ADGRL2: variants seen among roughly 807,000 people sequenced by gnomAD.
ADGRL2 encodes the protein calcium-independent alpha-latrotoxin receptor 2.
ADGRL2 carries 44 observed loss-of-function variants against 157.4 expected under a neutral mutation model. That is an observed-to-expected ratio of 0.28 (90% CI 0.22 to 0.36). ADGRL2 has a LOEUF of 0.36. ADGRL2 is among the 10% of genes least tolerant of loss of function. ADGRL2 has a pLI of 1.00. For missense variants in ADGRL2, 1,510 were observed against 1,768.9 expected (o/e 0.85, Z 2.63); for synonymous variants, 585 against 624.7 (o/e 0.94, Z 0.95).
At chr1:81,622,609 A>G (rs959756932) in intron 3 of ADGRL2, among the ~76,000 whole-genome samples, 1 of 150,506 alleles carries the variant, frequency 6.6e-6, no homozygotes, top group Non-Finnish European at 1.5e-5. Context: ...TTTTTGGGGG[A>G]CCAGGCACAG....
At chr1:81,397,767 A>G (rs570910972) in intron 1 of ADGRL2, among the ~76,000 whole-genome samples, 1 of 152,326 alleles carries the variant, frequency 6.6e-6, no homozygotes, top group East Asian at 1.9e-4. Flanking sequence ...ATGTGCTGAT[A>G]AAAGGAATGT....
At chr1:81,926,052 C>T (rs1194112626) in intron 3 of ADGRL2, among the ~76,000 whole-genome samples, 1 of 151,974 alleles carries the variant, frequency 6.6e-6, no homozygotes, top group Non-Finnish European at 1.5e-5. Flanking sequence ...AAACTCTAAT[C>T]CTCTGAGCGG....
In ADGRL2 at chr1:81,676,946, G is replaced by C. The variant is rs550123042; in HGVS notation, c.-142-84865G>C. 2.3e-3 allele frequency among the ~76,000 whole-genome samples: 344 copies of C among 147,276 alleles called. 2 individuals are homozygous for C. The highest frequency in any genetic ancestry group is 8.2e-3 in the African/African-American group (326 of 39,798). ...CCTCGTGATCTGCCCGCAGTGCTGA[G>C]ATTACAGGCGTGAGCCACTGTGCCT... is the stretch of plus-strand genomic sequence containing the variant. On this transcript the variant is annotated intron_variant, in intron 3 of 24. Coordinates refer to the ADGRL2 transcript ENST00000370721.
At chr1:81,426,716 G>T in intron 1 of ADGRL2, 1 of 472,108 alleles carries the variant, frequency 2.1e-6, no homozygotes, top group Non-Finnish European at 4.1e-6. Flanking sequence ...TTGTGTTGAA[G>T]AGGTGGATGC....
intron 1 of ADGRL2, among the ~76,000 whole-genome samples, chr1:81,411,338 G>GT (rs1349761809): frequency 4.6e-5 from 7 of 152,176 alleles, no homozygotes; most frequent in East Asian, 3.9e-4. Context: ...TTTAAAGGAG[G>GT]TTTTTTCTTT....
exon 1 of ADGRL2, chr1:81,306,382 C>G (rs1281145151): frequency 6.6e-6 from 1 of 152,142 alleles, no homozygotes; most frequent in Non-Finnish European, 1.5e-5. Context: ...TTATATTTTT[C>G]CCCTTATTGC....
chr1:81,391,965 A>G (rs923230292), intron 1 of ADGRL2, among the ~76,000 whole-genome samples: 2 of 152,162 alleles, frequency 1.3e-5, no homozygotes, highest in Non-Finnish European at 2.9e-5. Context: ...TTTAATTTCC[A>G]TAACAAGCAT....
chr1:81,692,640 A>AG (rs2083365719), intron 3 of ADGRL2, among the ~76,000 whole-genome samples: 1 of 152,228 alleles, frequency 6.6e-6, no homozygotes. Context: ...GTAATTCTCT[A>AG]AGTGTTTATC....
chr1:81,554,319 TTCACCCCAGTC>T (rs1208220900), intron 2 of ADGRL2, among the ~76,000 whole-genome samples: 1 of 152,148 alleles, frequency 6.6e-6, no homozygotes, highest in Non-Finnish European at 1.5e-5. Flanking sequence ...GTCTCCTGGT[TTCACCCCAGTC>T]TCATCAGTCA....
chr1:81,432,299 C>A (rs1014753208), intron 1 of ADGRL2, among the ~76,000 whole-genome samples: 1 of 152,214 alleles, frequency 6.6e-6, no homozygotes, highest in Non-Finnish European at 1.5e-5. Context: ...ACACATAGGG[C>A]CAACAGCCCT....
chr1:81,666,773 C>T (rs140020967), intron 3 of ADGRL2, among the ~76,000 whole-genome samples: 4 of 152,254 alleles, frequency 2.6e-5, no homozygotes, highest in East Asian at 1.9e-4. Context: ...ATCTCATTCC[C>T]GGCTCAAACT....
At chr1:81,879,522 A>G (rs1367334313) in intron 2 of ADGRL2, among the ~76,000 whole-genome samples, 3 of 152,060 alleles carry the variant, frequency 2.0e-5, no homozygotes, top group Non-Finnish European at 4.4e-5. Context: ...ATTTAAAAAA[A>G]AAAAAAACAA....
At position 81,347,245 on chromosome 1, in the gene ADGRL2, C is replaced by A. The variant is rs920449854; in HGVS notation, c.-302+40736C>A. Among the ~76,000 whole-genome samples the A allele has an allele frequency of 5.9e-5, 9 of 151,896 alleles. No homozygotes were observed. The South Asian group carries it at 1.9e-3, about 32-fold the overall frequency. Reference sequence around the variant, plus strand: ...AAAACGCTGTCTCTACTAAAAAACACAAAAAAATAGCCAGGTGTGGTGGTG... The same window carrying A: ...AAAACGCTGTCTCTACTAAAAAACAAAAAAAAATAGCCAGGTGTGGTGGTG... On this transcript the variant is annotated intron_variant, in intron 1 of 24. Coordinates refer to the ADGRL2 transcript ENST00000370721.
intron 2 of ADGRL2, among the ~76,000 whole-genome samples, chr1:81,842,353 C>CTTTTTTTTTTT (rs71085377): frequency 7.3e-5 from 4 of 54,958 alleles, no homozygotes; most frequent in Admixed American, 3.2e-4. Flanking sequence ...TCTTTTAGCG[C>CTTTTTTTTTTT]TTTTTTTTTT....
intron 2 of ADGRL2, among the ~76,000 whole-genome samples, chr1:81,881,320 A>T (rs587019): frequency 2.0e-5 from 3 of 151,930 alleles, no homozygotes; most frequent in African/African-American, 4.8e-5. Flanking sequence ...AGACTACAGG[A>T]GCCCGCCGCC....
chr1:81,825,657 CAA>C (rs71085375), intron 1 of ADGRL2, among the ~76,000 whole-genome samples: 40 of 86,746 alleles, frequency 4.6e-4, no homozygotes, highest in East Asian at 2.6e-3. Context: ...ACCCTGTCTC[CAA>C]AAAAAAAAAA....
intron 11 of ADGRL2, among the ~76,000 whole-genome samples, chr1:81,962,630 C>A (rs1299962558): frequency 6.6e-6 from 1 of 152,030 alleles, no homozygotes; most frequent in East Asian, 1.9e-4. Flanking sequence ...AAATGATAAA[C>A]CTCTGCCTTT....
intron 2 of ADGRL2, among the ~76,000 whole-genome samples, chr1:81,780,098 T>G (rs1256282263): frequency 6.6e-6 from 1 of 152,206 alleles, no homozygotes; most frequent in Non-Finnish European, 1.5e-5. Flanking sequence ...TCATTTTATG[T>G]TCGTCTAGAT....
At chr1:81,785,529 A>C (rs2087001484) in intron 2 of ADGRL2, among the ~76,000 whole-genome samples, 1 of 151,978 alleles carries the variant, frequency 6.6e-6, no homozygotes, top group Admixed American at 6.6e-5. Flanking sequence ...AGAGTTCCAG[A>C]CCAGCCTGGG....
Sources: gnomAD v4.1 joint callset for allele counts (sites outside exome capture counted in the v4.1 genomes callset) on GRCh38, gnomAD v4.1.1 for gene constraint, MANE v1.5 for transcripts, NCBI Gene and HGNC (gene_info 2026-07-23, HGNC 2026-07-21) for gene names.